PDE6G: variants seen among roughly 807,000 people sequenced by gnomAD.
The protein encoded by PDE6G is phosphodiesterase 6G, also known as rod cGMP 3',5'-cyclic phosphodiesterase subunit gamma.
In PDE6G, 10 loss-of-function variants were observed where a neutral mutation model predicts 10.9. That is an observed-to-expected ratio of 0.91 (90% CI 0.56 to 1.55). The LOEUF (loss-of-function observed/expected upper bound fraction) is 1.55. Among genes scored for constraint, PDE6G ranks in the 40% most tolerant of loss-of-function variants. PDE6G has a pLI of 0.00. For synonymous variants in PDE6G, 41 were observed against 42.8 expected (o/e 0.96, Z 0.16); for missense variants, 102 against 110.1 (o/e 0.93, Z 0.33).
Position 81,653,308 on chromosome 17 carries a change from T to G in PDE6G, c.-3A>C. The G allele has an allele frequency of 6.2e-7, 1 of 1,611,784 alleles. No individual in the cohort carries two copies. Among genetic ancestry groups the G allele is most frequent in the Non-Finnish European group, 8.5e-7 (1 of 1,179,452 alleles). ...GCCTTGGGCGGTTCCAGGTTCATGG[T>G]GAGGCTGACGGAGACACCGCGGCAA... On this transcript the variant is annotated 5_prime_UTR_variant, in exon 2 of 4. Coordinates refer to ENST00000331056, the MANE Select transcript of PDE6G (RefSeq NM_002602.4). The surrounding 1 kb of genome is among the most constrained non-coding windows in gnomAD (Gnocchi z 5.2).
rs543116980 is a variant in PDE6G, at chr17:81,653,329, G to A, written c.-24C>T. 35 of 1,609,344 alleles carry A rather than the reference G, an allele frequency of 2.2e-5. No homozygotes were observed. The highest frequency in any genetic ancestry group is 1.7e-4 in the Admixed American group (10 of 60,010). ...ATGGTGAGGCTGACGGAGACACCGC[G>A]GCAACCTTGGCTCCTGGACTCCCTC... On this transcript the variant is annotated 5_prime_UTR_variant, in exon 2 of 4. Transcript: ENST00000331056. The surrounding 1 kb of genome is among the most constrained non-coding windows in gnomAD (Gnocchi z 5.2).
At chr17:81,654,661 C>T (rs1236025397) in intron 1 of PDE6G, among the ~76,000 whole-genome samples, 3 of 151,758 alleles carry the variant, frequency 2.0e-5, no homozygotes, top group Non-Finnish European at 2.9e-5. Flanking sequence ...GGATTACAGG[C>T]GTGAGCCACC....
chr17:81,651,227 C>A lies in PDE6G; in HGVS notation c.188-77G>T. On this transcript the variant is annotated intron_variant, in intron 3 of 3. Coordinates refer to ENST00000331056, the MANE Select transcript of PDE6G (RefSeq NM_002602.4). The surrounding 1 kb of genome is among the most constrained non-coding windows in gnomAD (Gnocchi z 4.8). ...CCCCCATCCCCTGTGGCCCTGTTTCCCACAGCCCAGGTGTAGCCCTACAGT... is the reference window on the plus strand; with the variant it reads ...CCCCCATCCCCTGTGGCCCTGTTTCACACAGCCCAGGTGTAGCCCTACAGT... 9.4e-7 allele frequency: 1 copy of A among 1,063,288 alleles called. No individual in the cohort carries two copies. The allele number at this position is 1,063,288 out of a possible 1,614,324, so 65.9% of individuals were successfully genotyped here. A position where few individuals can be genotyped will look rare whatever the true frequency, so the allele number is the denominator to read the frequency against.
Position 81,651,613 on chromosome 17 carries a change from A to AGACCTC in PDE6G, c.187+26_187+31dup, listed in dbSNP as rs763919364. On this transcript the variant is annotated intron_variant, in intron 3 of 3. Coordinates refer to ENST00000331056, the MANE Select transcript of PDE6G (RefSeq NM_002602.4). This position sits in a 1 kb window ranked among gnomAD's most constrained non-coding sequence, Gnocchi z 4.8. ...TGGGTGTGCCTGGGGGGACCTGGGCAGACCTCGGGTTGGTACTGGCAGCCG... is the reference window on the plus strand; with the variant it reads ...TGGGTGTGCCTGGGGGGACCTGGGCAGACCTCGACCTCGGGTTGGTACTGGCAGCCG... 6.2e-6 allele frequency: 10 copies of AGACCTC among 1,611,692 alleles called. No homozygotes were observed. The African/African-American group carries it at 1.3e-4, about 22-fold the overall frequency.
chr17:81,659,374 G>T (rs2036488581), upstream of PDE6G, among the ~76,000 whole-genome samples: 1 of 152,010 alleles, frequency 6.6e-6, no homozygotes, highest in Admixed American at 6.6e-5. Context: ...CGAGGTGGCT[G>T]GACCACCTGA....
rs971425857 is a variant in PDE6G at position 81,651,292 on chromosome 17, C to A, written c.188-142G>T. The A allele has an allele frequency of 5.8e-6, 4 of 693,846 alleles. No homozygotes were observed. The highest frequency in any genetic ancestry group is 5.3e-5 in the African/African-American group (3 of 57,140). 43.0% of individuals were successfully genotyped at this position (693,846 alleles called of 1,614,324 possible). A position where few individuals can be genotyped will look rare whatever the true frequency, so the allele number is the denominator to read the frequency against. ...CGTGCGGACGCTGGAGTGGGGCCCT[C>A]CTCTGGGGACACACTGGCTGTGGGG... On this transcript the variant is annotated intron_variant, in intron 3 of 3. Coordinates refer to ENST00000331056, the MANE Select transcript of PDE6G (RefSeq NM_002602.4). The surrounding 1 kb of genome is among the most constrained non-coding windows in gnomAD (Gnocchi z 4.8).
rs1018012163 is a variant in PDE6G at position 81,650,791 on chromosome 17, G to A, written c.*283C>T. 2.2e-5 allele frequency: 12 copies of A among 535,234 alleles called. No individual in the cohort carries two copies. In the Admixed American group the frequency reaches 2.7e-4, roughly 12 times the overall value. The allele number at this position is 535,234 out of a possible 1,614,324, so 33.2% of individuals were successfully genotyped here. A position where few individuals can be genotyped will look rare whatever the true frequency, so the allele number is the denominator to read the frequency against. ...GGTCCACTTCCCGTTCTCCCTGGGA[G>A]TGGAGACCGACCAAGCCTCTCTGTG... On this transcript the variant is annotated 3_prime_UTR_variant, in exon 4 of 4. Coordinates refer to ENST00000331056, the MANE Select transcript of PDE6G (RefSeq NM_002602.4).
chr17:81,658,832 C>T (rs1435962886), upstream of PDE6G, among the ~76,000 whole-genome samples: 1 of 152,008 alleles, frequency 6.6e-6, no homozygotes, highest in Non-Finnish European at 1.5e-5. Flanking sequence ...CAGTGAGACT[C>T]TGTCTCAAAA....
chr17:81,656,653 G>T, upstream of PDE6G: 1 of 704,966 alleles, frequency 1.4e-6, no homozygotes, highest in South Asian at 1.5e-5. Flanking sequence ...CAACCACCAA[G>T]GTTCAGGGGA....
At chr17:81,656,907 C>G (rs986510904), upstream of PDE6G, 3 of 432,772 alleles carry the variant, frequency 6.9e-6, no homozygotes, top group African/African-American at 6.0e-5. Flanking sequence ...CCCTCACCCG[C>G]TGCTGTGGCC....
rs200581539 is a variant in PDE6G at position 81,651,638 on chromosome 17, G to A, written c.187+7C>T. The stretch of plus-strand genomic sequence containing the variant: ...AGACCTCGGGTTGGTACTGGCAGCC[G>A]TCATACCTGTTCCCAGGCCTTCCAT... On this transcript the variant is annotated splice_region_variant and intron_variant, in intron 3 of 3. Coordinates refer to ENST00000331056, the MANE Select transcript of PDE6G (RefSeq NM_002602.4). The surrounding 1 kb of genome is among the most constrained non-coding windows in gnomAD (Gnocchi z 4.8). The A allele has an allele frequency of 4.7e-5, 76 of 1,613,756 alleles. No individual in the cohort carries two copies. In the East Asian group the frequency reaches 8.7e-4, roughly 18 times the overall value.
chr17:81,658,047 A>G (rs1264144495), upstream of PDE6G, among the ~76,000 whole-genome samples: 2 of 151,166 alleles, frequency 1.3e-5, no homozygotes, highest in African/African-American at 4.9e-5. Flanking sequence ...TCTACAAAAA[A>G]TAGAAAAAAT....
Position 81,651,595 on chromosome 17 carries a change from G to A in PDE6G, c.187+50C>T. 3.1e-6 allele frequency: 5 copies of A among 1,589,104 alleles called. No individual in the cohort carries two copies. Among genetic ancestry groups the A allele is most frequent in the Non-Finnish European group, 4.3e-6 (5 of 1,157,382 alleles). ...AATGGGCCCCGGGCGTGCTGGGTGTGCCTGGGGGGACCTGGGCAGACCTCG... is the reference window on the plus strand; with the variant it reads ...AATGGGCCCCGGGCGTGCTGGGTGTACCTGGGGGGACCTGGGCAGACCTCG... On this transcript the variant is annotated intron_variant, in intron 3 of 3. Coordinates refer to ENST00000331056, the MANE Select transcript of PDE6G (RefSeq NM_002602.4). The surrounding 1 kb of genome is among the most constrained non-coding windows in gnomAD (Gnocchi z 4.8).
chr17:81,661,284 GC>G (rs2036507986), upstream of PDE6G, among the ~76,000 whole-genome samples: 1 of 152,194 alleles, frequency 6.6e-6, no homozygotes, highest in Non-Finnish European at 1.5e-5. Flanking sequence ...TACTTGGTAG[GC>G]TAAGATGGGA....
chr17:81,658,338 C>T (rs1251035923), upstream of PDE6G, among the ~76,000 whole-genome samples: 4 of 151,180 alleles, frequency 2.6e-5, no homozygotes, highest in Admixed American at 1.3e-4. Flanking sequence ...CCCACTTTGG[C>T]CTCCCGAAGT....
At chr17:81,661,952 T>A (rs34222919) in intron 1 of PDE6G, among the ~76,000 whole-genome samples, 13,116 of 148,902 alleles carry the variant, frequency 0.088, 814 homozygotes, top group East Asian at 0.22. Context: ...AATCACTTAA[T>A]CCCGGGAGGC....
chr17:81,657,759 T>C (rs921977229), upstream of PDE6G, among the ~76,000 whole-genome samples: 2 of 152,014 alleles, frequency 1.3e-5, no homozygotes, highest in Non-Finnish European at 2.9e-5. Context: ...CATGTACCTG[T>C]AATCCCAGCT....
intron 1 of PDE6G, among the ~76,000 whole-genome samples, 194 bp downstream of exon 1, chr17:81,656,299 G>C (rs532162413): frequency 4.5e-4 from 68 of 152,334 alleles, no homozygotes; most frequent in African/African-American, 1.6e-3. Flanking sequence ...TTACCATGGG[G>C]GAGCAGAGGA....
At chr17:81,654,810 C>G (rs1041966419) in intron 1 of PDE6G, among the ~76,000 whole-genome samples, 1 of 150,668 alleles carries the variant, frequency 6.6e-6, no homozygotes, top group African/African-American at 2.4e-5. Context: ...TGCAGTGGCA[C>G]GATCTCAGCT....
Sources: gnomAD v4.1 joint callset for allele counts (sites outside exome capture counted in the v4.1 genomes callset) on GRCh38, gnomAD v4.1.1 for gene constraint, Gnocchi (gnomAD v3.1) non-coding constraint, MANE v1.5 for transcripts, NCBI Gene and HGNC (gene_info 2026-07-23, HGNC 2026-07-21) for gene names.